Variants in ACSL6 observed in about 807,000 individuals in gnomAD.
ACSL6 encodes long-chain-fatty-acid--CoA ligase 6.
In ACSL6, 47 loss-of-function variants were observed where a neutral mutation model predicts 98.2. The observed-to-expected ratio is 0.48, with a 90% confidence interval of 0.38 to 0.61. The LOEUF is 0.61. Among genes scored for constraint, ACSL6 ranks in the 20% least tolerant of loss-of-function variants. The pLI, the probability that ACSL6 is intolerant of heterozygous loss-of-function variation, is 0.00. For synonymous variants in ACSL6, 362 were observed against 336.9 expected (o/e 1.07, Z -0.82); for missense variants, 761 against 913.4 (o/e 0.83, Z 2.15).
At chr5:131,968,139 G>T in intron 15 of ACSL6, 111 bp from the exon 16 acceptor site, 3 of 822,016 alleles carry the variant, frequency 3.6e-6, no homozygotes, top group Non-Finnish European at 5.9e-6. Flanking sequence ...AATTATGGAT[G>T]GAAAGTAACA....
rs372213626 is a variant in ACSL6, at chr5:131,959,528, A to G, written c.2031+8T>C. ...GGTTGTAACGAGTATGGGGAAGGTA[A>G]CAGTTACCTGCTCAAAAGAATGGAG... On this transcript the variant is annotated splice_region_variant and intron_variant, in intron 20 of 20. Coordinates refer to ENST00000651883, the MANE Select transcript of ACSL6 (RefSeq NM_001009185.3). The G allele has an allele frequency of 5.3e-5, 85 of 1,614,008 alleles. No homozygotes were observed. The African/African-American group carries it at 9.6e-4, about 18-fold the overall frequency.
intron 8 of ACSL6, 67 bp downstream of exon 8, chr5:131,986,755 G>T: frequency 6.4e-7 from 1 of 1,569,702 alleles, no homozygotes; most frequent in Non-Finnish European, 8.8e-7. Flanking sequence ...GCACAGTGAG[G>T]GACTCTGTGA....
At chr5:131,969,194 A>C (rs890447279) in intron 15 of ACSL6, among the ~76,000 whole-genome samples, 1 of 152,200 alleles carries the variant, frequency 6.6e-6, no homozygotes, top group Non-Finnish European at 1.5e-5. Context: ...AAACTGGAAA[A>C]TTTTAGGATG....
chr5:131,979,145 A>G (rs1347107971), intron 9 of ACSL6, among the ~76,000 whole-genome samples: 1 of 152,218 alleles, frequency 6.6e-6, no homozygotes, highest in Non-Finnish European at 1.5e-5. Flanking sequence ...ATTAAGAAAT[A>G]TCCAAGTTGT....
At chr5:132,001,472 C>A (rs142979515) in intron 1 of ACSL6, among the ~76,000 whole-genome samples, 125 of 152,274 alleles carry the variant, frequency 8.2e-4, no homozygotes, top group South Asian at 6.0e-3. Context: ...AAGACCAGGG[C>A]AGAAATGGAG....
chr5:131,987,939 C>T (rs763325772), intron 7 of ACSL6, 109 bp downstream of exon 7: 270 of 1,411,070 alleles, frequency 1.9e-4, no homozygotes, highest in Non-Finnish European at 2.5e-4. Flanking sequence ...ATATACCCTG[C>T]GGGCCCAAAA....
rs1459157525 is a variant in ACSL6 at position 131,950,372 on chromosome 5, G to C, written c.*3862C>G. 4.9e-6 allele frequency: 1 copy of C among 204,374 alleles called. No homozygotes were observed. Among genetic ancestry groups the C allele is most frequent in the Non-Finnish European group, 1.0e-5 (1 of 99,852 alleles). The allele number at this position is 204,374 out of a possible 1,614,324, so 12.7% of individuals were successfully genotyped here. ...GTTCTAACTGAAGAGTTTCTCATTTGGGGTATTGACCTTACTTGAATGCTA... is the reference window on the plus strand; with the variant it reads ...GTTCTAACTGAAGAGTTTCTCATTTCGGGTATTGACCTTACTTGAATGCTA... On this transcript the variant is annotated 3_prime_UTR_variant, in exon 21 of 21. Transcript: ENST00000651883.
rs1020317062 is a variant in ACSL6, at chr5:131,988,278, G to A, written c.653-52C>T. The A allele has an allele frequency of 5.0e-6, 8 of 1,594,932 alleles. No individual in the cohort carries two copies. In the Admixed American group the frequency reaches 1.2e-4, roughly 24 times the overall value. On this transcript the variant is annotated intron_variant, in intron 6 of 20. Coordinates refer to ENST00000651883, the MANE Select transcript of ACSL6 (RefSeq NM_001009185.3). Reference sequence around the variant, plus strand: ...GGCCATGTGGGCCCAGGTCATGAGTGCAGGCAGCATGTGCCAGGCAGCACA... The same window carrying A: ...GGCCATGTGGGCCCAGGTCATGAGTACAGGCAGCATGTGCCAGGCAGCACA...
At chr5:132,003,567 G>T (rs987680676) in intron 1 of ACSL6, 4 of 152,274 alleles carry the variant, frequency 2.6e-5, no homozygotes, top group African/African-American at 7.2e-5. Flanking sequence ...ACATGAAAGG[G>T]TTTGTATTCC....
Position 131,990,078 on chromosome 5 carries a change from G to C in ACSL6, c.450+22C>G, listed in dbSNP as rs180862936. ...CAGATCTGAATGGGTGGCCAGGGTG[G>C]GGCCTGTCCTGTATCACTCACCTCC... is the stretch of plus-strand genomic sequence containing the variant. On this transcript the variant is annotated intron_variant, in intron 4 of 20. Coordinates refer to ENST00000651883, the MANE Select transcript of ACSL6 (RefSeq NM_001009185.3). 8.6e-5 allele frequency: 139 copies of C among 1,612,198 alleles called. No individual in the cohort carries two copies. In the East Asian group the frequency reaches 2.5e-3, roughly 29 times the overall value.
chr5:131,966,509 C>T lies in ACSL6; in HGVS notation c.1620G>A (p.Val540=). The T allele has an allele frequency of 6.2e-7, 1 of 1,614,148 alleles. No homozygotes were observed. ...EGEICVRGPN[V]FKGYLKDPDR... ...CTGGATCTTTCAAGTAGCCTTTGAA[C>T]ACATTTGGTCCTCTCACACATATCT... The change falls in exon 17 of 21, where the codon GTG becomes GTA. Residue 540 remains valine, a synonymous_variant. Coordinates refer to ENST00000651883, the MANE Select transcript of ACSL6 (RefSeq NM_001009185.3).
chr5:131,962,415 T>A, intron 18 of ACSL6, 120 bp downstream of exon 18: 3 of 1,214,404 alleles, frequency 2.5e-6, no homozygotes, highest in Non-Finnish European at 3.4e-6. Flanking sequence ...TAAAAAGGAG[T>A]TTTCTCTCAT....
intron 18 of ACSL6, 98 bp downstream of exon 18, chr5:131,962,437 C>G: frequency 7.3e-7 from 1 of 1,377,196 alleles, no homozygotes; most frequent in South Asian, 1.6e-5. Context: ...TTTTAAAATG[C>G]GGAGGAGAAT....
chr5:131,982,625 G>A (rs78938308), intron 9 of ACSL6: 13,264 of 152,276 alleles, frequency 0.087, 1,312 homozygotes, highest in African/African-American at 0.24. Flanking sequence ...GCCCTGCCTC[G>A]GGCCCTCTCT....
intron 1 of ACSL6, among the ~76,000 whole-genome samples, chr5:132,005,846 C>T (rs905407922): frequency 3.9e-5 from 6 of 152,214 alleles, no homozygotes; most frequent in African/African-American, 1.4e-4. Context: ...GTCCCAGGCA[C>T]TGGTCAATAG....
chr5:131,999,092 A>G (rs889053545), intron 1 of ACSL6, among the ~76,000 whole-genome samples: 1 of 152,142 alleles, frequency 6.6e-6, no homozygotes, highest in African/African-American at 2.4e-5. Flanking sequence ...TGAAAAGAAA[A>G]CTACAACCTC....
chr5:131,976,343 T>G (rs1347669786), intron 10 of ACSL6: 2 of 614,680 alleles, frequency 3.3e-6, no homozygotes, highest in Non-Finnish European at 4.1e-6. Flanking sequence ...GTATATCAAT[T>G]TTTGAAGTTA....
At chr5:131,961,319 C>T (rs1387551816) in intron 18 of ACSL6, among the ~76,000 whole-genome samples, 1 of 152,082 alleles carries the variant, frequency 6.6e-6, no homozygotes, top group East Asian at 1.9e-4. Flanking sequence ...ACCACCATGC[C>T]AGGCCTATTT....
intron 1 of ACSL6, among the ~76,000 whole-genome samples, chr5:131,997,324 C>T (rs949981678): frequency 4.6e-5 from 7 of 152,248 alleles, no homozygotes; most frequent in Admixed American, 3.3e-4. Context: ...GCGAGGCACA[C>T]AGTAAACAAG....
Sources: allele counts gnomAD v4.1 joint callset (sites outside exome capture counted in the v4.1 genomes callset), GRCh38; gene constraint gnomAD v4.1.1; transcripts MANE v1.5; gene names NCBI Gene and HGNC (gene_info 2026-07-23, HGNC 2026-07-21).